ZKSCAN3: variants seen among roughly 807,000 people sequenced by gnomAD.
The protein encoded by ZKSCAN3 is zinc finger protein with KRAB and SCAN domains 3.
A neutral mutation model predicts 30.7 loss-of-function variants in ZKSCAN3; 21 were observed. The ratio of observed to expected loss-of-function variants is 0.68; its 90% confidence interval spans 0.49 to 0.99. The LOEUF is 0.99. ZKSCAN3 is among the 50% of genes least tolerant of loss of function. ZKSCAN3 has a pLI of 0.00. For missense variants in ZKSCAN3, 507 were observed against 647.1 expected (o/e 0.78, Z 2.35); for synonymous variants, 201 against 246.7 (o/e 0.81, Z 1.73).
intron 1 of ZKSCAN3, chr6:28,355,786 C>G (rs1465400650): frequency 6.6e-6 from 1 of 152,310 alleles, no homozygotes; most frequent in Non-Finnish European, 1.5e-5. Context: ...CACCCTCCCA[C>G]GAAGGCAAAG....
Position 28,365,778 on chromosome 6 carries a change from T to C in ZKSCAN3, c.1110T>C (p.Tyr370=), listed in dbSNP as rs754922999. The C allele has an allele frequency of 5.6e-6, 9 of 1,614,176 alleles. No homozygotes were observed. The Admixed American group carries it at 1.3e-4, about 24-fold the overall frequency. The part of the protein sequence containing the change: ...HQRVHTGEKP[Y]ECEECGKAFS... ...GAGTCCACACTGGTGAGAAGCCATA[T>C]GAGTGTGAAGAATGTGGTAAGGCCT... is the stretch of plus-strand genomic sequence containing the variant. Residue 370 remains tyrosine (Y), a synonymous_variant, in exon 6 of 6, where the codon TAT becomes TAC. Coordinates refer to ENST00000252211, the MANE Select transcript of ZKSCAN3 (RefSeq NM_024493.4).
At chr6:28,356,883 G>A (rs951657056) in intron 1 of ZKSCAN3, among the ~76,000 whole-genome samples, 3 of 152,234 alleles carry the variant, frequency 2.0e-5, no homozygotes, top group African/African-American at 7.2e-5. Context: ...CGCTCCGGGA[G>A]CCTGGGGGCT....
chr6:28,365,950 T>C lies in ZKSCAN3; in HGVS notation c.1282T>C (p.Cys428Arg). 6.2e-7 allele frequency: 1 copy of C among 1,614,132 alleles called. No homozygotes were observed. The highest frequency in any genetic ancestry group is 8.5e-7 in the Non-Finnish European group (1 of 1,180,004). Residue 428 changes from cysteine (C) to arginine (R), a missense_variant, in exon 6 of 6, where the codon TGC becomes CGC. Physicochemically the swap from Cys to Arg is radical, Grantham distance 180. Coordinates refer to ENST00000252211, the MANE Select transcript of ZKSCAN3 (RefSeq NM_024493.4). ...RIHTGEKPYQ[C>R]SMCGKAFRRS... ...CCACACTGGGGAGAAGCCGTATCAGTGCAGTATGTGTGGCAAAGCCTTTAG... is the reference window on the plus strand; with the variant it reads ...CCACACTGGGGAGAAGCCGTATCAGCGCAGTATGTGTGGCAAAGCCTTTAG...
intron 1 of ZKSCAN3, chr6:28,354,181 TTCTC>T (rs1561931146): frequency 1.5e-5 from 5 of 338,254 alleles, no homozygotes; most frequent in Non-Finnish European, 2.3e-5. Flanking sequence ...TCAGCAGTTT[TTCTC>T]TCTCTCTCTG....
intron 5 of ZKSCAN3, among the ~76,000 whole-genome samples, chr6:28,364,803 C>T (rs1765894611): frequency 6.6e-6 from 1 of 152,172 alleles, no homozygotes; most frequent in South Asian, 2.1e-4. Context: ...TCTTGGCTCA[C>T]TGCATCCTCT....
chr6:28,356,610 G>C (rs917757816), intron 1 of ZKSCAN3, among the ~76,000 whole-genome samples: 3 of 152,242 alleles, frequency 2.0e-5, no homozygotes, highest in Admixed American at 1.3e-4. Context: ...ACCACTGGGT[G>C]AGCCTGTAAT....
Position 28,359,507 on chromosome 6 carries a change from T to C in ZKSCAN3, c.-62-18T>C. On this transcript the variant is annotated intron_variant, in intron 1 of 5. Transcript: ENST00000252211. Reference sequence around the variant, plus strand: ...TACTTGCAAGTTTACTGGTTAATAATGATTTCCCACCTTTCAGGGATCTTC... The same window carrying C: ...TACTTGCAAGTTTACTGGTTAATAACGATTTCCCACCTTTCAGGGATCTTC... The C allele has an allele frequency of 6.5e-7, 1 of 1,535,658 alleles. No individual in the cohort carries two copies.
intron 1 of ZKSCAN3, chr6:28,356,154 C>CG (rs1765407041): frequency 6.6e-6 from 1 of 152,236 alleles, no homozygotes; most frequent in Admixed American, 6.5e-5. Context: ...CGGTGTCCCC[C>CG]CAAGCCTGGC....
At chr6:28,353,887 C>T (rs763833366) in intron 1 of ZKSCAN3, 17 of 456,338 alleles carry the variant, frequency 3.7e-5, no homozygotes, top group Non-Finnish European at 7.0e-5. Context: ...TGTCAGGTTC[C>T]AGCCCATACT....
intron 2 of ZKSCAN3, 191 bp downstream of exon 2, chr6:28,360,179 A>G (rs1016559845): frequency 2.8e-5 from 28 of 994,820 alleles, no homozygotes; most frequent in Middle Eastern, 2.2e-4. Flanking sequence ...TACATAAACC[A>G]TAAAGGATTA....
At position 28,351,811 on chromosome 6, in the gene ZKSCAN3, G is replaced by A. The variant is rs969444114; in HGVS notation, c.-63+1744G>A. ...TTTCATTTTATAGCAAATTGCAGAT[G>A]GAAACATTTTAGTTCACTCACAAGT... On this transcript the variant is annotated intron_variant, in intron 1 of 5. Coordinates refer to ENST00000252211, the MANE Select transcript of ZKSCAN3 (RefSeq NM_024493.4). This position sits in a 1 kb window ranked among gnomAD's most constrained non-coding sequence, Gnocchi z 4.6. 2.6e-5 allele frequency among the ~76,000 whole-genome samples: 4 copies of A among 151,298 alleles called. No individual in the cohort carries two copies. The highest frequency in any genetic ancestry group is 5.9e-5 in the Non-Finnish European group (4 of 67,928).
In ZKSCAN3 at chr6:28,365,710, G is replaced by T. The variant is rs1236818559; in HGVS notation, c.1042G>T (p.Gly348Cys). Reference sequence around the variant, plus strand: ...GAAACCCTACGAATGTGAAGAGTGTGGCAAAGCCTTCATTGGGAGCTCTGC... The same window carrying T: ...GAAACCCTACGAATGTGAAGAGTGTTGCAAAGCCTTCATTGGGAGCTCTGC... ...GEKPYECEEC[G>C]KAFIGSSALV... The change falls in exon 6 of 6, where the codon GGC (glycine) becomes TGC (cysteine). Residue 348 changes from glycine to cysteine, a missense_variant. Physicochemically the swap from Gly to Cys is radical, Grantham distance 159 (BLOSUM62 -3). Transcript: ENST00000252211. The T allele has an allele frequency of 6.2e-7, 1 of 1,613,954 alleles. No homozygotes were observed. Among genetic ancestry groups the T allele is most frequent in the African/African-American group, 1.3e-5 (1 of 74,954 alleles).
rs1314078291 is a variant in ZKSCAN3 at position 28,363,398 on chromosome 6, C to T, written c.633+13C>T. On this transcript the variant is annotated intron_variant, in intron 4 of 5. Transcript: ENST00000252211. ...TCCAGAGTCCCAGGTGAGCTGGAGC[C>T]CTATCCCTCCCCCAATGCCCCTCAC... The T allele has an allele frequency of 9.9e-6, 16 of 1,611,450 alleles. No homozygotes were observed. Among genetic ancestry groups the T allele is most frequent in the African/African-American group, 2.7e-5 (2 of 74,794 alleles).
chr6:28,355,116 G>A (rs1765337435), intron 1 of ZKSCAN3, among the ~76,000 whole-genome samples: 1 of 152,148 alleles, frequency 6.6e-6, no homozygotes, highest in Non-Finnish European at 1.5e-5. Context: ...TCCTTAAAAG[G>A]TGAAGGCTCA....
chr6:28,367,989 A>T lies in ZKSCAN3; in HGVS notation c.*1704A>T, dbSNP rs1245589758. ...GCCATGTTGGTGTGCTGCACCCATTAACTCGTCATTTACATTGGGTGTATC... is the reference window on the plus strand; with the variant it reads ...GCCATGTTGGTGTGCTGCACCCATTTACTCGTCATTTACATTGGGTGTATC... On this transcript the variant is annotated 3_prime_UTR_variant, in exon 6 of 6. Coordinates refer to ENST00000252211, the MANE Select transcript of ZKSCAN3 (RefSeq NM_024493.4). 6.6e-6 allele frequency: 1 copy of T among 151,194 alleles called. No individual in the cohort carries two copies. The highest frequency in any genetic ancestry group is 1.5e-5 in the Non-Finnish European group (1 of 67,850). 9.4% of individuals were successfully genotyped at this position (151,194 alleles called of 1,614,324 possible).
rs1049076518 is a variant in ZKSCAN3 at position 28,349,992 on chromosome 6, C to T, written c.-138C>T. On this transcript the variant is annotated 5_prime_UTR_variant, in exon 1 of 6. Coordinates refer to ENST00000252211, the MANE Select transcript of ZKSCAN3 (RefSeq NM_024493.4). This position sits in a 1 kb window ranked among gnomAD's most constrained non-coding sequence, Gnocchi z 4.1. ...GAGTATGGGGTGAATCGGCGTCGGC[C>T]TTCCACTGTGGGGTTAAATCTCATC... 1.3e-5 allele frequency: 2 copies of T among 152,252 alleles called. No homozygotes were observed. Among genetic ancestry groups the T allele is most frequent in the Admixed American group, 1.3e-4 (2 of 15,278 alleles). 9.4% of individuals were successfully genotyped at this position (152,252 alleles called of 1,614,324 possible). A position where few individuals can be genotyped will look rare whatever the true frequency, so the allele number is the denominator to read the frequency against.
intron 3 of ZKSCAN3, 60 bp from the exon 4 acceptor site, chr6:28,363,243 C>T (rs1345815490): frequency 7.0e-7 from 1 of 1,434,218 alleles, no homozygotes; most frequent in Non-Finnish European, 9.7e-7. Flanking sequence ...ACTTAGATTG[C>T]ACAGGGCAGG....
At chr6:28,353,637 C>T (rs1043830501) in intron 1 of ZKSCAN3, among the ~76,000 whole-genome samples, 5 of 152,090 alleles carry the variant, frequency 3.3e-5, no homozygotes, top group African/African-American at 1.2e-4. Context: ...GATTTGTTTG[C>T]AAGATTTCCA....
chr6:28,353,952 G>T (rs1308620626), intron 1 of ZKSCAN3: 1 of 454,910 alleles, frequency 2.2e-6, no homozygotes, highest in Non-Finnish European at 4.4e-6. Flanking sequence ...AACACTCGGG[G>T]CTGTAGGCAG....
Sources: gnomAD v4.1 joint callset for allele counts (sites outside exome capture counted in the v4.1 genomes callset) on GRCh38, gnomAD v4.1.1 for gene constraint, Gnocchi (gnomAD v3.1) non-coding constraint, MANE v1.5 for transcripts, NCBI Gene and HGNC (gene_info 2026-07-23, HGNC 2026-07-21) for gene names.